The following NFATC3 variants were observed in gnomAD, a reference collection of about 807,000 sequenced individuals.
NFATC3 encodes the protein nuclear factor of activated T-cells, cytoplasmic 3.
NFATC3 carries 46 observed loss-of-function variants against 98.6 expected under a neutral mutation model. The ratio of observed to expected loss-of-function variants is 0.47; its 90% CI spans 0.37 to 0.60. The LOEUF (loss-of-function observed/expected upper bound fraction) is 0.60, where lower values mean the gene tolerates loss of function less well. Among genes scored for constraint, NFATC3 ranks in the 20% least tolerant of loss-of-function variants. The pLI, the probability that NFATC3 is intolerant of heterozygous loss-of-function variation, is 0.00. For synonymous variants in NFATC3, 512 were observed against 472.2 expected, an observed-to-expected ratio of 1.08 and a Z score of -1.09; for missense variants, 1,256 against 1,295.5, an observed-to-expected ratio of 0.97 and a Z score of 0.47.
Position 68,191,771 on chromosome 16 carries a change from T to G in NFATC3, c.3102T>G (p.Asp1034Glu), listed in dbSNP as rs2040418753. The G allele has an allele frequency of 6.2e-7, 1 of 1,614,194 alleles. No homozygotes were observed. Among genetic ancestry groups the G allele is most frequent in the East Asian group, 2.2e-5 (1 of 44,890 alleles). The stretch of plus-strand genomic sequence containing the variant: ...TTGGTCTGCAGGACATCACTTTAGA[T>G]GATGGTAAGTTCATCTCTGATATGT... ...ATIGLQDITL[D>E]DVNEIIGRDM... Residue 1034 changes from aspartate to glutamate, a missense_variant, in exon 9 of 10, where the codon GAT becomes GAG. Asp to Glu is a conservative substitution (Grantham distance 45). Transcript: ENST00000346183.
chr16:68,152,967 A>G (rs1017124161), intron 3 of NFATC3, among the ~76,000 whole-genome samples: 4 of 152,224 alleles, frequency 2.6e-5, no homozygotes, highest in South Asian at 2.1e-4. Flanking sequence ...TAGTGTTTCA[A>G]GTGCCACAAG....
intron 8 of NFATC3, among the ~76,000 whole-genome samples, chr16:68,188,865 C>T (rs532163640): frequency 5.3e-5 from 8 of 152,216 alleles, no homozygotes; most frequent in African/African-American, 1.4e-4. Context: ...TGCACCACCA[C>T]GCCTGGCTAA....
At position 68,183,276 on chromosome 16, in the gene NFATC3, C is replaced by A; in HGVS notation, c.2008C>A (p.Pro670Thr). ...CCTTGAAGTTCCTCCATATCATAAC[C>A]CAGCAGTTACAGCTGCAGTGCAGGT... ...IVLEVPPYHN[P>T]AVTAAVQVHF... is the part of the protein sequence containing the mutation. Residue 670 changes from proline to threonine, a missense_variant, in exon 8 of 10, where the codon CCA becomes ACA. Pro to Thr is a conservative substitution (Grantham distance 38, BLOSUM62 -1). Around this residue, in one of 3 missense-constraint regions of NFATC3, gnomAD observed 636 missense variants for 617.3 expected, o/e 1.03. Coordinates refer to ENST00000346183, the MANE Select transcript of NFATC3 (RefSeq NM_173165.3). 1.9e-6 allele frequency: 3 copies of A among 1,605,288 alleles called. No individual in the cohort carries two copies. Among genetic ancestry groups the A allele is most frequent in the Non-Finnish European group, 2.5e-6 (3 of 1,177,454 alleles).
intron 1 of NFATC3, among the ~76,000 whole-genome samples, chr16:68,112,302 G>A (rs1158192952): frequency 8.0e-6 from 1 of 124,312 alleles, no homozygotes; most frequent in African/African-American, 3.1e-5. Context: ...TTTTGAGATG[G>A]AGTCTTGCTG....
chr16:68,216,664 T>TG (rs35830195), intron 9 of NFATC3, among the ~76,000 whole-genome samples: 14,441 of 152,140 alleles, frequency 0.095, 879 homozygotes, highest in Admixed American at 0.12. Context: ...CCCAAGTAGC[T>TG]GAAATTACAG....
At chr16:68,087,145 G>T (rs2151433769) in intron 1 of NFATC3, among the ~76,000 whole-genome samples, 1 of 152,286 alleles carries the variant, frequency 6.6e-6, no homozygotes, top group South Asian at 2.1e-4. Context: ...AGATTATCGG[G>T]ACTTGAAAGA....
chr16:68,092,704 A>G (rs1038238665), intron 1 of NFATC3, among the ~76,000 whole-genome samples: 2 of 152,120 alleles, frequency 1.3e-5, no homozygotes, highest in African/African-American at 2.4e-5. Context: ...CAGTCTGGAT[A>G]ACATAAGGAT....
chr16:68,148,306 G>A (rs757693905), intron 3 of NFATC3, among the ~76,000 whole-genome samples: 4 of 152,050 alleles, frequency 2.6e-5, no homozygotes, highest in African/African-American at 9.7e-5. Flanking sequence ...GTGAGCCACC[G>A]TGCCTGACCT....
At chr16:68,215,013 A>G (rs2041578714) in intron 9 of NFATC3, among the ~76,000 whole-genome samples, 1 of 152,184 alleles carries the variant, frequency 6.6e-6, no homozygotes, top group Non-Finnish European at 1.5e-5. Context: ...CCTTGCTGTC[A>G]TGTTGGCTCC....
chr16:68,226,269 C>CT, intron 9 of NFATC3, 81 bp from the exon 10 acceptor site: 1 of 1,477,000 alleles, frequency 6.8e-7, no homozygotes, highest in Non-Finnish European at 9.0e-7. Flanking sequence ...AGGGAAATGT[C>CT]TGAGGTAGAG....
chr16:68,210,413 G>A lies in NFATC3; in HGVS notation c.3107-15937G>A, dbSNP rs185933210. 7.9e-5 allele frequency among the ~76,000 whole-genome samples: 12 copies of A among 152,232 alleles called. 1 individual carries two copies. Among genetic ancestry groups the A allele is most frequent in the Admixed American group, 7.9e-4 (12 of 15,282 alleles). ...TTGAGCCTGGGAGGTAGAGGCTGCAGTGAGCCATTATTGTGCCACTGCACA... is the reference window on the plus strand; with the variant it reads ...TTGAGCCTGGGAGGTAGAGGCTGCAATGAGCCATTATTGTGCCACTGCACA... On this transcript the variant is annotated intron_variant, in intron 9 of 9. Transcript: ENST00000346183.
chr16:68,148,262 T>C (rs2038140734), intron 3 of NFATC3, among the ~76,000 whole-genome samples: 1 of 152,112 alleles, frequency 6.6e-6, no homozygotes, highest in Non-Finnish European at 1.5e-5. Context: ...GTGATCCACC[T>C]GCCTAGGCCT....
intron 8 of NFATC3, among the ~76,000 whole-genome samples, chr16:68,185,749 G>C (rs1274127972): frequency 6.6e-6 from 1 of 151,490 alleles, no homozygotes; most frequent in Non-Finnish European, 1.5e-5. Context: ...TGTAGTCCTA[G>C]CTACTCGGGA....
intron 9 of NFATC3, chr16:68,192,251 ATATGTATGTG>A (rs1385093204): frequency 9.2e-5 from 10 of 109,112 alleles, no homozygotes; most frequent in Admixed American, 2.2e-4. Context: ...ATATATATAT[ATATGTATGTG>A]TATATATATA....
At position 68,191,333 on chromosome 16, in the gene NFATC3, T is replaced by A; in HGVS notation, c.2664T>A (p.Asn888Lys). The stretch of plus-strand genomic sequence containing the variant: ...AATCAATGGGATATCATTGTTCAAA[T>A]ACAGGACAAAGATCTCTTTCTTCTC... The part of the protein sequence containing the change: ...HLQSMGYHCS[N>K]TGQRSLSSPV... Residue 888 changes from asparagine (N) to lysine (K), a missense_variant, in exon 9 of 10, where the codon AAT (asparagine) becomes AAA (lysine). This residue lies in a region of NFATC3 where 636 missense variants were observed against 617.3 expected (regional missense o/e 1.03). Coordinates refer to ENST00000346183, the MANE Select transcript of NFATC3 (RefSeq NM_173165.3). 1 of 1,614,206 alleles carries A rather than the reference T, an allele frequency of 6.2e-7. No individual in the cohort carries two copies. The highest frequency in any genetic ancestry group is 1.1e-5 in the South Asian group (1 of 91,088).
In NFATC3 at chr16:68,191,342, A is replaced by G. The variant is rs201843942; in HGVS notation, c.2673A>G (p.Gln891=). The G allele has an allele frequency of 2.3e-5, 37 of 1,614,152 alleles. No homozygotes were observed. The highest frequency in any genetic ancestry group is 4.0e-5 in the African/African-American group (3 of 75,034). The change falls in exon 9 of 10, where the codon CAA becomes CAG. Residue 891 remains glutamine (Q), a synonymous_variant. Coordinates refer to ENST00000346183, the MANE Select transcript of NFATC3 (RefSeq NM_173165.3). ...SMGYHCSNTG[Q]RSLSSPVADQ... ...GATATCATTGTTCAAATACAGGACA[A>G]AGATCTCTTTCTTCTCCAGTGGCTG...
intron 3 of NFATC3, among the ~76,000 whole-genome samples, chr16:68,133,487 G>T (rs575198800): frequency 2.6e-5 from 4 of 151,900 alleles, no homozygotes; most frequent in Non-Finnish European, 5.9e-5. Flanking sequence ...GTTGTACAAC[G>T]CAATGAATAT....
intron 9 of NFATC3, among the ~76,000 whole-genome samples, chr16:68,223,512 TG>T (rs1230749712): frequency 6.6e-6 from 1 of 152,018 alleles, no homozygotes; most frequent in East Asian, 1.9e-4. Flanking sequence ...GAGGCTAAGG[TG>T]GGAGAATGGC....
chr16:68,225,439 A>G (rs1346497389), intron 9 of NFATC3: 1 of 152,226 alleles, frequency 6.6e-6, no homozygotes, highest in African/African-American at 2.4e-5. Context: ...TTCACTTAGC[A>G]GACTGTTTTC....
Sources: gnomAD v4.1 joint callset for allele counts (sites outside exome capture counted in the v4.1 genomes callset) on GRCh38, gnomAD v4.1.1 for gene constraint, gnomAD v4.1.1 regional missense constraint, MANE v1.5 for transcripts, NCBI Gene and HGNC (gene_info 2026-07-23, HGNC 2026-07-21) for gene names.